The following MPP2 variants were observed in gnomAD, a reference collection of about 807,000 sequenced individuals.
MPP2 encodes MAGUK p55 scaffold protein 2.
Under a neutral mutation model 58.5 loss-of-function variants are expected in MPP2, and 42 were observed. That is an observed-to-expected ratio of 0.72 (90% CI 0.56 to 0.93). The LOEUF is 0.93. MPP2 is among the 40% of genes least tolerant of loss of function. The probability of loss-of-function intolerance (pLI) is 0.00; values close to 1 mark genes in which losing one functional copy is unlikely to be tolerated. For missense variants in MPP2, 632 were observed against 760.4 expected (o/e 0.83, Z 1.99); for synonymous variants, 300 against 307.8 (o/e 0.97, Z 0.26).
chr17:43,890,101 C>T (rs1023198283), intron 3 of MPP2, among the ~76,000 whole-genome samples: 1 of 151,974 alleles, frequency 6.6e-6, no homozygotes, highest in Admixed American at 6.6e-5. Context: ...CGTGAGCCAC[C>T]GCACCCGGCC....
chr17:43,879,154 G>A lies in MPP2; in HGVS notation c.1482+121C>T. 7.9e-7 allele frequency: 1 copy of A among 1,258,474 alleles called. No homozygotes were observed. The highest frequency in any genetic ancestry group is 1.1e-6 in the Non-Finnish European group (1 of 900,358). The allele number at this position is 1,258,474 out of a possible 1,614,324, so 78.0% of individuals were successfully genotyped here. A position where few individuals can be genotyped will look rare whatever the true frequency, so the allele number is the denominator to read the frequency against. ...AGGGGGGACCACGTCCTGCCTCACT[G>A]ATAACTGGAGCAGGCCCCTGTCCCT... On this transcript the variant is annotated intron_variant, in intron 12 of 12. Transcript: ENST00000269095. This position sits in a 1 kb window ranked among gnomAD's most constrained non-coding sequence, Gnocchi z 4.1.
chr17:43,900,773 G>A (rs943449671), intron 2 of MPP2: 9 of 348,358 alleles, frequency 2.6e-5, no homozygotes, highest in African/African-American at 2.0e-4. Context: ...GGTGGGAGAA[G>A]AGTGGTGGGA....
At chr17:43,894,864 G>A (rs1376497569) in intron 3 of MPP2, among the ~76,000 whole-genome samples, 3 of 151,914 alleles carry the variant, frequency 2.0e-5, no homozygotes, top group Non-Finnish European at 4.4e-5. Flanking sequence ...GATCATTTGA[G>A]CCCAGGAGTT....
chr17:43,875,961 C>A lies in MPP2; in HGVS notation c.*1846G>T, dbSNP rs958993759. On this transcript the variant is annotated 3_prime_UTR_variant, in exon 13 of 13. Transcript: ENST00000269095. Reference sequence around the variant, plus strand: ...AAAACACCCCATTTCCTTCCCACTCCCTTAGGCTGAGGGTGATGCAAGGCA... The same window carrying A: ...AAAACACCCCATTTCCTTCCCACTCACTTAGGCTGAGGGTGATGCAAGGCA... 1 of 152,140 alleles carries A rather than the reference C, an allele frequency of 6.6e-6. No individual in the cohort carries two copies. Among genetic ancestry groups the A allele is most frequent in the Non-Finnish European group, 1.5e-5 (1 of 68,048 alleles). 9.4% of individuals were successfully genotyped at this position (152,140 alleles called of 1,614,324 possible). A position where few individuals can be genotyped will look rare whatever the true frequency, so the allele number is the denominator to read the frequency against.
At chr17:43,906,066 C>G (rs2048274388) in intron 1 of MPP2, 1 of 984,390 alleles carries the variant, frequency 1.0e-6, no homozygotes, top group East Asian at 1.1e-4. Context: ...CTCCCCCTCC[C>G]AGGCCTTGAT....
At chr17:43,907,902 C>T, upstream of MPP2, 1 of 985,412 alleles carries the variant, frequency 1.0e-6, no homozygotes, top group Non-Finnish European at 1.2e-6. Flanking sequence ...AGGCGTGCCT[C>T]ACTTTTCCTC....
Position 43,883,280 on chromosome 17 carries a change from G to A in MPP2, c.226C>T (p.Arg76Trp), listed in dbSNP as rs562847000. 20 of 1,612,658 alleles carry A rather than the reference G, an allele frequency of 1.2e-5. No individual in the cohort carries two copies. In the African/African-American group the frequency reaches 1.3e-4, roughly 11 times the overall value. Residue 76 changes from arginine (R) to tryptophan (W), a missense_variant, in exon 4 of 13, where the codon CGG becomes TGG. Coordinates refer to ENST00000269095, the MANE Select transcript of MPP2 (RefSeq NM_005374.5). ...TGCTCAGCCAGCTGCGCCAGGTCCC[G>A]CAGGATCTCCTGCACCAGCTCCAGG... ...NNLELVQEIL[R>W]DLAQLAEQSS...
intron 3 of MPP2, among the ~76,000 whole-genome samples, chr17:43,892,323 C>T (rs1449102374): frequency 6.6e-6 from 1 of 152,194 alleles, no homozygotes; most frequent in African/African-American, 2.4e-5. Flanking sequence ...GTTTCTGGGC[C>T]ACTTCACGAA....
chr17:43,891,623 T>C (rs1449945592), intron 3 of MPP2, among the ~76,000 whole-genome samples: 1 of 151,920 alleles, frequency 6.6e-6, no homozygotes, highest in Non-Finnish European at 1.5e-5. Flanking sequence ...GGGCTGGGCA[T>C]GGTGGCTCAC....
intron 3 of MPP2, among the ~76,000 whole-genome samples, chr17:43,889,955 G>A (rs1336183390): frequency 6.6e-6 from 1 of 151,488 alleles, no homozygotes; most frequent in Admixed American, 6.6e-5. Context: ...TGGGACTACA[G>A]GCATGCACCA....
In MPP2 at chr17:43,897,950, CAGA is replaced by C. The variant is rs1405930449; in HGVS notation, c.150+309_150+311del. ...GACATACACACAAAACGCCCAAAGGCAGAAGGACAGGCAAGATGAATTCTAGAG... is the reference window on the plus strand; with the variant it reads ...GACATACACACAAAACGCCCAAAGGCAGGACAGGCAAGATGAATTCTAGAG... On this transcript the variant is annotated intron_variant, in intron 3 of 12. Transcript: ENST00000269095. Among the ~76,000 whole-genome samples the C allele has an allele frequency of 2.6e-5, 4 of 152,318 alleles. No individual in the cohort carries two copies. In the East Asian group the frequency reaches 7.7e-4, roughly 29 times the overall value.
intron 3 of MPP2, among the ~76,000 whole-genome samples, chr17:43,895,690 C>T (rs1192356086): frequency 2.0e-5 from 3 of 152,068 alleles, no homozygotes; most frequent in South Asian, 2.1e-4. Context: ...TTATTGAAGA[C>T]GAGCTCTCAC....
chr17:43,902,487 C>T (rs1368186797), intron 2 of MPP2, among the ~76,000 whole-genome samples: 2 of 152,194 alleles, frequency 1.3e-5, no homozygotes, highest in Non-Finnish European at 2.9e-5. Flanking sequence ...CTGAAAGAGG[C>T]AGGGAGACCC....
At chr17:43,909,191 CGAGTAGCTGG>C (rs1223240659), upstream of MPP2, among the ~76,000 whole-genome samples, 1 of 152,062 alleles carries the variant, frequency 6.6e-6, no homozygotes, top group African/African-American at 2.4e-5. Flanking sequence ...CTCAGCTTCC[CGAGTAGCTGG>C]GATTACAGGT....
intron 2 of MPP2, among the ~76,000 whole-genome samples, chr17:43,899,977 C>T (rs1164309838): frequency 1.3e-5 from 2 of 152,194 alleles, no homozygotes; most frequent in African/African-American, 4.8e-5. Flanking sequence ...CCACGGAGGA[C>T]GGCGGAGGAT....
rs775269681 is a variant in MPP2 at position 43,881,335 on chromosome 17, T to A, written c.828A>T (p.Glu276Asp). ...TGGGAATGAGCCCAGCACTGCCCCCTTCGACATGGCATGCCTAAAACGGAC... is the reference window on the plus strand; with the variant it reads ...TGGGAATGAGCCCAGCACTGCCCCCATCGACATGGCATGCCTAAAACGGAC... Reference protein sequence around the residue: ...DANWWQACHVEGGSAGLIPSQ... With the variant: ...DANWWQACHVDGGSAGLIPSQ... The change falls in exon 8 of 13, where the codon GAA becomes GAT. Residue 276 changes from glutamate (E) to aspartate (D), a missense_variant. Physicochemically the swap from Glu to Asp is conservative, Grantham distance 45. Coordinates refer to ENST00000269095, the MANE Select transcript of MPP2 (RefSeq NM_005374.5). 40 of 1,613,958 alleles carry A rather than the reference T, an allele frequency of 2.5e-5. No homozygotes were observed. Among genetic ancestry groups the A allele is most frequent in the Non-Finnish European group, 3.1e-5 (37 of 1,180,018 alleles).
chr17:43,901,106 A>AG (rs1440710479), intron 2 of MPP2, among the ~76,000 whole-genome samples: 4 of 152,174 alleles, frequency 2.6e-5, no homozygotes, highest in African/African-American at 9.6e-5. Context: ...CCTCAGTCTA[A>AG]GGAAGTCCCC....
intron 2 of MPP2, among the ~76,000 whole-genome samples, chr17:43,899,938 A>G (rs1355455789): frequency 6.6e-6 from 1 of 152,186 alleles, no homozygotes; most frequent in African/African-American, 2.4e-5. Flanking sequence ...CATGCCGCCC[A>G]TGCCTACATC....
chr17:43,881,219 G>T, intron 8 of MPP2, 25 bp downstream of exon 8: 1 of 1,613,418 alleles, frequency 6.2e-7, no homozygotes, highest in Non-Finnish European at 8.5e-7. Context: ...CAGATTGGAG[G>T]TGTGGGGTAG....
Sources: allele counts gnomAD v4.1 joint callset (sites outside exome capture counted in the v4.1 genomes callset), GRCh38; gene constraint gnomAD v4.1.1; non-coding constraint Gnocchi (gnomAD v3.1); transcripts MANE v1.5; gene names NCBI Gene and HGNC (gene_info 2026-07-23, HGNC 2026-07-21).